Variants in MCM2 observed in about 807,000 individuals in gnomAD.
MCM2 encodes DNA replication licensing factor MCM2.
A neutral mutation model predicts 86.4 loss-of-function variants in MCM2; 49 were observed. That is an observed-to-expected ratio of 0.57 (90% CI 0.45 to 0.72). MCM2 has a LOEUF of 0.72. Among genes scored for constraint, MCM2 ranks in the 30% least tolerant of loss-of-function variants. The pLI, the probability that MCM2 is intolerant of heterozygous loss-of-function variation, is 0.00. For synonymous variants in MCM2, 475 were observed against 484.6 expected (o/e 0.98, Z 0.26); for missense variants, 1,038 against 1,259.9 (o/e 0.82, Z 2.67).
At position 127,608,466 on chromosome 3, in the gene MCM2, G is replaced by C; in HGVS notation, c.1186G>C (p.Ala396Pro). Residue 396 changes from alanine (A) to proline (P), a missense_variant, in exon 7 of 16, where the codon GCC (alanine) becomes CCC (proline). Ala to Pro is a conservative substitution (Grantham distance 27). Coordinates refer to ENST00000265056, the MANE Select transcript of MCM2 (RefSeq NM_004526.4). ...TGGCCGGCTGCCCCGCTCCAAGGAC[G>C]CCATTCTCCTCGCAGATCTGGTGGA... is the stretch of plus-strand genomic sequence containing the variant. Reference protein sequence around the residue: ...AAGRLPRSKDAILLADLVDSC... With the variant: ...AAGRLPRSKDPILLADLVDSC... 1 of 1,614,210 alleles carries C rather than the reference G, an allele frequency of 6.2e-7. No homozygotes were observed. Among genetic ancestry groups the C allele is most frequent in the Non-Finnish European group, 8.5e-7 (1 of 1,180,042 alleles).
intron 4 of MCM2, among the ~76,000 whole-genome samples, chr3:127,605,605 T>A (rs920533964): frequency 6.6e-6 from 1 of 151,386 alleles, no homozygotes; most frequent in African/African-American, 2.4e-5. Flanking sequence ...CATGCCTGAC[T>A]AATTTTTTTT....
At chr3:127,611,095 A>ATGC (rs2074391139) in intron 8 of MCM2, 1 of 395,496 alleles carries the variant, frequency 2.5e-6, no homozygotes, top group African/African-American at 2.1e-5. Context: ...CGAGGAAGAC[A>ATGC]GTCACACAGG....
At chr3:127,615,711 G>T (rs2074427460) in intron 8 of MCM2, 151 bp from the exon 9 acceptor site, 3 of 637,778 alleles carry the variant, frequency 4.7e-6, no homozygotes, top group African/African-American at 3.6e-5. Flanking sequence ...GTCGGGCACG[G>T]CTTGATACCA....
rs1160118699 is a variant in MCM2 at position 127,608,751 on chromosome 3, T to C, written c.1237-81T>C. 4.2e-6 allele frequency: 6 copies of C among 1,427,760 alleles called. No individual in the cohort carries two copies. The East Asian group carries it at 1.4e-4, about 33-fold the overall frequency. The allele number at this position is 1,427,760 out of a possible 1,614,324, so 88.4% of individuals were successfully genotyped here. On this transcript the variant is annotated intron_variant, in intron 7 of 15. Transcript: ENST00000265056. ...TGTCTGTAGTGTGGAGCACTTGCAA[T>C]AGGAGAAACTGGAGGAAGGCAGCAC...
intron 15 of MCM2, 143 bp from the exon 16 acceptor site, chr3:127,621,520 C>A: frequency 1.6e-6 from 1 of 636,102 alleles, no homozygotes; most frequent in Non-Finnish European, 2.8e-6. Flanking sequence ...GATTTGAAGC[C>A]CCTTAATCGG....
chr3:127,604,012 C>T (rs1241582828), intron 2 of MCM2, among the ~76,000 whole-genome samples: 2 of 152,112 alleles, frequency 1.3e-5, no homozygotes, highest in Non-Finnish European at 2.9e-5. Context: ...TGTTCTTGAA[C>T]TCCTGGGCTC....
chr3:127,606,451 T>A lies in MCM2; in HGVS notation c.893+114T>A. Reference sequence around the variant, plus strand: ...GGGGAGGGTGCAGCCAGCAGCATCCTCATCGCAGGTGAGTTGTGGTTGCAC... The same window carrying A: ...GGGGAGGGTGCAGCCAGCAGCATCCACATCGCAGGTGAGTTGTGGTTGCAC... On this transcript the variant is annotated intron_variant, in intron 5 of 15. Coordinates refer to ENST00000265056, the MANE Select transcript of MCM2 (RefSeq NM_004526.4). The surrounding 1 kb of genome is among the most constrained non-coding windows in gnomAD (Gnocchi z 4.2). 8.3e-7 allele frequency: 1 copy of A among 1,209,516 alleles called. No individual in the cohort carries two copies. Among genetic ancestry groups the A allele is most frequent in the Non-Finnish European group, 1.2e-6 (1 of 848,064 alleles). 74.9% of individuals were successfully genotyped at this position (1,209,516 alleles called of 1,614,324 possible).
intron 2 of MCM2, among the ~76,000 whole-genome samples, chr3:127,600,571 C>A (rs1219460945): frequency 1.3e-5 from 2 of 152,144 alleles, no homozygotes; most frequent in Non-Finnish European, 2.9e-5. Flanking sequence ...CTGGATGCAT[C>A]TTTGCTATTA....
Position 127,618,420 on chromosome 3 carries a change from G to A in MCM2, c.2013+339G>A, listed in dbSNP as rs543289672. Among the ~76,000 whole-genome samples, 2 of 152,250 alleles carry A rather than the reference G, an allele frequency of 1.3e-5. No individual in the cohort carries two copies. Among genetic ancestry groups the A allele is most frequent in the Non-Finnish European group, 2.9e-5 (2 of 68,032 alleles). ...CACCCATGTAGACTGTCTTCCAGTT[G>A]AAGGCATAAATCAGATCAGCCCCGT... On this transcript the variant is annotated intron_variant, in intron 12 of 15. Coordinates refer to ENST00000265056, the MANE Select transcript of MCM2 (RefSeq NM_004526.4). This position sits in a 1 kb window ranked among gnomAD's most constrained non-coding sequence, Gnocchi z 4.0.
chr3:127,609,674 C>A (rs1559863886), intron 8 of MCM2, among the ~76,000 whole-genome samples: 2 of 151,874 alleles, frequency 1.3e-5, no homozygotes, highest in African/African-American at 4.8e-5. Context: ...ATTTATGTTG[C>A]AGAAATACGG....
rs765284183 is a variant in MCM2 at position 127,599,286 on chromosome 3, T to G, written c.7-32T>G. The G allele has an allele frequency of 3.1e-6, 5 of 1,598,774 alleles. No homozygotes were observed. In the East Asian group the frequency reaches 8.9e-5, roughly 29 times the overall value. On this transcript the variant is annotated intron_variant, in intron 1 of 15. Transcript: ENST00000265056. ...GCTGTATCATGCCTCACCAGCTTCC[T>G]AGGTTTCTGACAACCGCACCTTCTC...
intron 8 of MCM2, 29 bp from the exon 9 acceptor site, chr3:127,615,833 A>T (rs2074428768): frequency 6.5e-7 from 1 of 1,542,050 alleles, no homozygotes; most frequent in African/African-American, 1.4e-5. Context: ...ATCTGTTCCC[A>T]TTCTTGTCGG....
chr3:127,604,998 A>C lies in MCM2; in HGVS notation c.515A>C (p.Glu172Ala). 6.2e-7 allele frequency: 1 copy of C among 1,614,018 alleles called. No homozygotes were observed. Among genetic ancestry groups the C allele is most frequent in the South Asian group, 1.1e-5 (1 of 91,088 alleles). ...GACGAGGAGATGATCGAGAGCATCGAGAACCTGGAGGATCTCAAAGGCCAC... is the reference window on the plus strand; with the variant it reads ...GACGAGGAGATGATCGAGAGCATCGCGAACCTGGAGGATCTCAAAGGCCAC... Reference protein sequence around the residue: ...EEDEEMIESIENLEDLKGHSV... With the variant: ...EEDEEMIESIANLEDLKGHSV... Residue 172 changes from glutamate to alanine, a missense_variant, in exon 4 of 16, where the codon GAG becomes GCG. Glu to Ala is a moderately radical substitution (Grantham distance 107). Around this residue, in one of 4 missense-constraint regions of MCM2, gnomAD observed 300 missense variants for 307.4 expected, o/e 0.98. Coordinates refer to ENST00000265056, the MANE Select transcript of MCM2 (RefSeq NM_004526.4).
At chr3:127,612,622 T>C (rs2074407588) in intron 8 of MCM2, among the ~76,000 whole-genome samples, 1 of 152,210 alleles carries the variant, frequency 6.6e-6, no homozygotes, top group South Asian at 2.1e-4. Context: ...AAAAATAGCT[T>C]TGAGCCTGAT....
chr3:127,601,667 G>A (rs1425378371), intron 2 of MCM2, among the ~76,000 whole-genome samples: 4 of 152,146 alleles, frequency 2.6e-5, no homozygotes, highest in East Asian at 1.9e-4. Flanking sequence ...CACCCGGCCC[G>A]TTACAGGTTT....
rs760252800 is a variant in MCM2 at position 127,620,731 on chromosome 3, A to C, written c.2299A>C (p.Ile767Leu). The change falls in exon 14 of 16, where the codon ATC becomes CTC. Residue 767 changes from isoleucine (I) to leucine (L), a missense_variant. Coordinates refer to ENST00000265056, the MANE Select transcript of MCM2 (RefSeq NM_004526.4). ...TGSIPITVRH[I>L]ESMIRMAEAH... is the part of the protein sequence containing the mutation. ...CAGCATCCCCATTACGGTGCGGCAC[A>C]TCGAGTCCATGATCCGCATGGCGGA... 6.2e-7 allele frequency: 1 copy of C among 1,609,784 alleles called. No individual in the cohort carries two copies. The highest frequency in any genetic ancestry group is 1.3e-5 in the African/African-American group (1 of 74,864).
At position 127,601,924 on chromosome 3, in the gene MCM2, C is replaced by T. The variant is rs1274415424; in HGVS notation, c.236+2377C>T. 3.9e-5 allele frequency among the ~76,000 whole-genome samples: 6 copies of T among 152,126 alleles called. No individual in the cohort carries two copies. In the East Asian group the frequency reaches 7.7e-4, roughly 19 times the overall value. On this transcript the variant is annotated intron_variant, in intron 2 of 15. Transcript: ENST00000265056. ...TGGCTAATGATGTTGAACATCTTTT[C>T]GTATGCTTGATTGGCTATCTGTGTA...
At position 127,604,925 on chromosome 3, in the gene MCM2, G is replaced by A. The variant is rs760067459; in HGVS notation, c.442G>A (p.Ala148Thr). Residue 148 changes from alanine to threonine, a missense_variant, in exon 4 of 16, where the codon GCC (alanine) becomes ACC (threonine). Transcript: ENST00000265056. ...DSDEEDEERP[A>T]RKRRQVERAT... is the part of the protein sequence containing the mutation. ...CGATGAGGAGGACGAGGAGCGCCCTGCCCGCAAGCGCCGCCAGGTGGAGCG... is the reference window on the plus strand; with the variant it reads ...CGATGAGGAGGACGAGGAGCGCCCTACCCGCAAGCGCCGCCAGGTGGAGCG... The A allele has an allele frequency of 3.3e-5, 53 of 1,613,210 alleles. No individual in the cohort carries two copies. The Middle Eastern group carries it at 6.6e-4, about 20-fold the overall frequency.
intron 8 of MCM2, among the ~76,000 whole-genome samples, chr3:127,611,993 C>T (rs1307712410): frequency 6.9e-6 from 1 of 144,488 alleles, no homozygotes; most frequent in African/African-American, 2.9e-5. Flanking sequence ...GCCACCGCGC[C>T]CGGCCAACAG....
Sources: allele counts gnomAD v4.1 joint callset (sites outside exome capture counted in the v4.1 genomes callset), GRCh38; gene constraint gnomAD v4.1.1; regional missense constraint gnomAD v4.1.1; non-coding constraint Gnocchi (gnomAD v3.1); transcripts MANE v1.5; gene names NCBI Gene and HGNC (gene_info 2026-07-23, HGNC 2026-07-21).